Variants in DTD1 observed in about 807,000 individuals in gnomAD.
The protein encoded by DTD1 is D-tyrosyl-tRNA deacylase 1 homolog.
A neutral mutation model predicts 25.6 loss-of-function variants in DTD1; 13 were observed. The observed-to-expected ratio is 0.51, with a 90% confidence interval of 0.33 to 0.81. The LOEUF is 0.81. DTD1 is among the 30% of genes least tolerant of loss of function. The probability of loss-of-function intolerance (pLI) is 0.02; values close to 1 mark genes in which losing one functional copy is unlikely to be tolerated. For synonymous variants in DTD1, 110 were observed against 103.6 expected (o/e 1.06, Z -0.37); for missense variants, 193 against 266.4 (o/e 0.72, Z 1.92).
At chr20:18,625,246 C>T (rs2122305426) in intron 3 of DTD1, among the ~76,000 whole-genome samples, 1 of 152,310 alleles carries the variant, frequency 6.6e-6, no homozygotes, top group African/African-American at 2.4e-5. Context: ...TAGGCCTAGC[C>T]CTCAAACTGT....
intron 4 of DTD1, among the ~76,000 whole-genome samples, chr20:18,669,981 A>G (rs1048437002): frequency 2.6e-5 from 4 of 152,098 alleles, no homozygotes; most frequent in Non-Finnish European, 5.9e-5. Flanking sequence ...GCACACCTGC[A>G]TTTTCTTGTC....
chr20:18,685,586 C>T (rs1012515792), intron 4 of DTD1, among the ~76,000 whole-genome samples: 1 of 152,134 alleles, frequency 6.6e-6, no homozygotes, highest in Non-Finnish European at 1.5e-5. Context: ...CGTGGGTGAC[C>T]GAGTCTCTCT....
At chr20:18,628,003 T>A in intron 3 of DTD1, 124 bp from the exon 4 acceptor site, 1 of 784,426 alleles carries the variant, frequency 1.3e-6, no homozygotes, top group South Asian at 2.1e-5. Flanking sequence ...CCTCTTTCTT[T>A]TGTAAGTTTC....
intron 4 of DTD1, among the ~76,000 whole-genome samples, chr20:18,673,792 G>A (rs920861457): frequency 6.6e-6 from 1 of 152,068 alleles, no homozygotes; most frequent in African/African-American, 2.4e-5. Flanking sequence ...CCCTGGCAAC[G>A]TTGATCTGAT....
chr20:18,609,780 T>C (rs2060679270), intron 3 of DTD1, among the ~76,000 whole-genome samples: 2 of 152,212 alleles, frequency 1.3e-5, no homozygotes, highest in Non-Finnish European at 2.9e-5. Flanking sequence ...TGGGTTCTGA[T>C]AGAGCAGAAT....
At position 18,744,111 on chromosome 20, in the gene DTD1, C is replaced by G; in HGVS notation, c.489C>G (p.Leu163=). Residue 163 remains leucine (L), a synonymous_variant, in exon 5 of 6, where the codon CTC becomes CTG. Transcript: ENST00000377452. ...ATSDPKQLSK[L]EKQQQRKEKT... is the part of the protein sequence containing the mutation. Reference sequence around the variant, plus strand: ...TTTTATTTAATCAGCTGTCAAAGCTCGAAAAACAGCAGCAGAGGAAAGAAA... The same window carrying G: ...TTTTATTTAATCAGCTGTCAAAGCTGGAAAAACAGCAGCAGAGGAAAGAAA... 1.9e-6 allele frequency: 3 copies of G among 1,607,998 alleles called. No individual in the cohort carries two copies. Among genetic ancestry groups the G allele is most frequent in the Admixed American group, 1.7e-5 (1 of 59,288 alleles).
intron 4 of DTD1, chr20:18,698,674 C>G (rs2122454410): frequency 6.6e-6 from 1 of 152,424 alleles, no homozygotes; most frequent in South Asian, 2.1e-4. Flanking sequence ...CAGCTCATTC[C>G]CATTCCCTCC....
intron 4 of DTD1, among the ~76,000 whole-genome samples, chr20:18,651,276 A>G (rs1261416161): frequency 6.6e-6 from 1 of 152,078 alleles, no homozygotes; most frequent in Non-Finnish European, 1.5e-5. Context: ...CTCAGCTTCC[A>G]GAGTAGCTGG....
intron 5 of DTD1, among the ~76,000 whole-genome samples, chr20:18,755,851 C>G (rs2061337041): frequency 6.6e-6 from 1 of 152,116 alleles, no homozygotes; most frequent in Admixed American, 6.5e-5. Context: ...GCCACACTGA[C>G]TTCCACAATG....
intron 4 of DTD1, among the ~76,000 whole-genome samples, chr20:18,736,410 A>G (rs1187664378): frequency 1.3e-5 from 2 of 152,198 alleles, no homozygotes; most frequent in Non-Finnish European, 2.9e-5. Context: ...ATTAGTGTCC[A>G]TGGGAGCCTG....
At chr20:18,596,730 C>T (rs1323469540) in intron 3 of DTD1, among the ~76,000 whole-genome samples, 14 of 146,972 alleles carry the variant, frequency 9.5e-5, no homozygotes, top group African/African-American at 3.5e-4. Flanking sequence ...TTTACATTCT[C>T]TTTTTTTTTT....
chr20:18,598,676 A>ATT (rs35467175), intron 3 of DTD1, among the ~76,000 whole-genome samples: 143 of 141,372 alleles, frequency 1.0e-3, no homozygotes, highest in East Asian at 3.8e-3. Context: ...TTTTTTTTGT[A>ATT]TTTTTTTTTT....
chr20:18,687,641 A>G (rs2061022365), intron 4 of DTD1, among the ~76,000 whole-genome samples: 1 of 151,950 alleles, frequency 6.6e-6, no homozygotes, highest in South Asian at 2.1e-4. Flanking sequence ...TGCAGCCTTA[A>G]TCTCCTGTGC....
intron 4 of DTD1, among the ~76,000 whole-genome samples, chr20:18,743,695 A>G (rs901505497): frequency 1.3e-5 from 2 of 149,104 alleles, no homozygotes; most frequent in African/African-American, 4.9e-5. Flanking sequence ...AAAAAAAAAG[A>G]AAAGAAAAGA....
At chr20:18,625,695 C>G (rs749701397) in intron 3 of DTD1, among the ~76,000 whole-genome samples, 14 of 152,248 alleles carry the variant, frequency 9.2e-5, no homozygotes, top group Non-Finnish European at 7.3e-5. Context: ...TGCTTAATTT[C>G]TTGAGGTCCC....
At chr20:18,642,168 T>C (rs2060831229) in intron 4 of DTD1, among the ~76,000 whole-genome samples, 1 of 152,182 alleles carries the variant, frequency 6.6e-6, no homozygotes, top group African/African-American at 2.4e-5. Flanking sequence ...AATTCATTAG[T>C]ATCTTTCCTG....
chr20:18,603,621 C>T (rs1478058742), intron 3 of DTD1, among the ~76,000 whole-genome samples: 1 of 105,486 alleles, frequency 9.5e-6, no homozygotes, highest in Admixed American at 1.0e-4. Context: ...TTAAGAATCT[C>T]ACTCAAAGCC....
At chr20:18,607,601 G>A (rs982541192) in intron 3 of DTD1, among the ~76,000 whole-genome samples, 3 of 152,144 alleles carry the variant, frequency 2.0e-5, no homozygotes, top group Non-Finnish European at 4.4e-5. Flanking sequence ...ATGTTTGATA[G>A]AATTCACCAA....
At chr20:18,738,208 T>G (rs1011884737) in intron 4 of DTD1, among the ~76,000 whole-genome samples, 1 of 152,200 alleles carries the variant, frequency 6.6e-6, no homozygotes, top group Admixed American at 6.5e-5. Context: ...TGTGGCTCCC[T>G]GGGAAGAATG....
Sources: gnomAD v4.1 joint callset for allele counts (sites outside exome capture counted in the v4.1 genomes callset) on GRCh38, gnomAD v4.1.1 for gene constraint, MANE v1.5 for transcripts, NCBI Gene and HGNC (gene_info 2026-07-23, HGNC 2026-07-21) for gene names.